MAPK14: variants seen among roughly 807,000 people sequenced by gnomAD.
MAPK14 encodes the protein mitogen-activated protein kinase 14, also known as CSAID-binding protein.
A neutral mutation model predicts 49.6 loss-of-function variants in MAPK14; 16 were observed. The ratio of observed to expected loss-of-function variants is 0.32; its 90% CI spans 0.22 to 0.49. The LOEUF is 0.49. MAPK14 is among the 20% of genes least tolerant of loss of function. The pLI is 0.99. For missense variants in MAPK14, 200 were observed against 441.2 expected (o/e 0.45, Z 4.90); for synonymous variants, 142 against 158.0 (o/e 0.90, Z 0.76).
the MAPK14 span, among the ~76,000 whole-genome samples, chr6:36,119,645 T>C: frequency 4.3e-4 from 66 of 152,258 alleles, no homozygotes; most frequent in African/African-American, 1.5e-3. Context: ...TTTGCCTCTG[T>C]CCCAGGAACA....
At chr6:36,093,731 A>C (rs1226708490) in intron 8 of MAPK14, among the ~76,000 whole-genome samples, 1 of 151,564 alleles carries the variant, frequency 6.6e-6, no homozygotes. Flanking sequence ...AAAAAAAAAA[A>C]AAAAAAAAAA....
chr6:36,070,208 T>C (rs1242969379), intron 3 of MAPK14, among the ~76,000 whole-genome samples: 2 of 152,218 alleles, frequency 1.3e-5, no homozygotes, highest in Non-Finnish European at 2.9e-5. Context: ...ATTGTGACGT[T>C]TAAAGAGTTT....
intron 3 of MAPK14, among the ~76,000 whole-genome samples, chr6:36,071,376 T>C (rs9357207): frequency 0.1 from 15,593 of 152,146 alleles, 1,593 homozygotes; most frequent in East Asian, 0.49. Context: ...CGATCTACTT[T>C]CTATGTTTCC....
At chr6:36,102,467 G>A in intron 9 of MAPK14, 104 bp from the exon 10 acceptor site, 1 of 826,040 alleles carries the variant, frequency 1.2e-6, no homozygotes, top group Admixed American at 2.1e-5. Flanking sequence ...TGAAGTTAGT[G>A]GACTTTGTCA....
chr6:36,116,117 T>A (rs2127481671), downstream of MAPK14, among the ~76,000 whole-genome samples: 1 of 151,764 alleles, frequency 6.6e-6, no homozygotes, highest in Middle Eastern at 3.4e-3. Context: ...TAAAAAAAAA[T>A]AAAAAGTAAA....
intron 6 of MAPK14, among the ~76,000 whole-genome samples, chr6:36,075,225 C>CAAAAAA (rs70975130): frequency 3.2e-5 from 2 of 62,932 alleles, no homozygotes; most frequent in Non-Finnish European, 2.8e-5. Context: ...GACTCCGTCT[C>CAAAAAA]AAAAAAAAAA....
intron 3 of MAPK14, among the ~76,000 whole-genome samples, chr6:36,070,887 T>A (rs1442496946): frequency 6.6e-6 from 1 of 152,146 alleles, no homozygotes; most frequent in Non-Finnish European, 1.5e-5. Context: ...TCTAAATTAC[T>A]GACCTGCTTT....
At chr6:36,034,215 C>T (rs1159750782) in intron 1 of MAPK14, among the ~76,000 whole-genome samples, 2 of 152,324 alleles carry the variant, frequency 1.3e-5, no homozygotes, top group South Asian at 2.1e-4. Flanking sequence ...CCATTAGAGT[C>T]ATGTCTCTTC....
chr6:36,052,793 G>T lies in MAPK14; in HGVS notation c.211G>T (p.Glu71Ter). ...SIIHAKRTYR[E>*]LRLLKHMKHE... ...CATTCATGCGAAAAGAACCTACAGA[G>T]AACTGCGGTTACTTAAACATATGAA... Residue 71 changes from glutamate (E) to a stop codon, truncating the protein, a stop_gained, in exon 2 of 12, where the codon GAA becomes TAA. Coordinates refer to ENST00000229794, the MANE Select transcript of MAPK14 (RefSeq NM_139012.3). LOFTEE classifies it high-confidence loss of function. 1 of 1,611,326 alleles carries T rather than the reference G, an allele frequency of 6.2e-7. No homozygotes were observed. The highest frequency in any genetic ancestry group is 1.1e-5 in the South Asian group (1 of 90,702).
chr6:36,068,739 G>A (rs1368949130), intron 3 of MAPK14, among the ~76,000 whole-genome samples: 1 of 152,020 alleles, frequency 6.6e-6, no homozygotes, highest in African/African-American at 2.4e-5. Flanking sequence ...AGAGGGCGGG[G>A]GCAGTGGTGC....
chr6:36,035,969 A>G (rs921245968), intron 1 of MAPK14, among the ~76,000 whole-genome samples: 53 of 152,300 alleles, frequency 3.5e-4, no homozygotes, highest in Non-Finnish European at 6.5e-4. Context: ...AACACCTGTA[A>G]TTTCAGCACT....
At chr6:36,065,707 G>A (rs1283004416) in intron 3 of MAPK14, among the ~76,000 whole-genome samples, 2 of 151,870 alleles carry the variant, frequency 1.3e-5, no homozygotes, top group Non-Finnish European at 1.5e-5. Flanking sequence ...AGGATGAAAG[G>A]TTTTACTTTT....
chr6:36,073,782 A>G, intron 5 of MAPK14, 62 bp downstream of exon 5: 1 of 1,489,782 alleles, frequency 6.7e-7, no homozygotes, highest in Non-Finnish European at 9.3e-7. Context: ...GAAGAATGGC[A>G]TTTAGCCAAG....
chr6:36,119,713 A>G, the MAPK14 span, among the ~76,000 whole-genome samples: 1 of 152,164 alleles, frequency 6.6e-6, no homozygotes, highest in African/African-American at 2.4e-5. Flanking sequence ...GGTGGTGAGC[A>G]TCTAGTGGGT....
chr6:36,095,499 T>G, intron 8 of MAPK14, among the ~76,000 whole-genome samples: 1 of 152,262 alleles, frequency 6.6e-6, no homozygotes, highest in Non-Finnish European at 1.5e-5. Context: ...TAGGTCACGC[T>G]TGGGAGAATA....
At chr6:36,034,862 C>G (rs1762675526) in intron 1 of MAPK14, among the ~76,000 whole-genome samples, 2 of 150,474 alleles carry the variant, frequency 1.3e-5, no homozygotes, top group Admixed American at 1.3e-4. Context: ...GTCTCTGTGT[C>G]ACATTTTGGT....
chr6:36,043,117 C>T (rs1358988318), intron 1 of MAPK14, among the ~76,000 whole-genome samples: 1 of 148,772 alleles, frequency 6.7e-6, no homozygotes, highest in East Asian at 2.0e-4. Context: ...GAGCAAGACC[C>T]CGTCTCAAAA....
At chr6:36,039,096 T>G (rs1326876929) in intron 1 of MAPK14, among the ~76,000 whole-genome samples, 2 of 152,286 alleles carry the variant, frequency 1.3e-5, no homozygotes, top group East Asian at 3.9e-4. Flanking sequence ...CTGTTAAACT[T>G]AAATATATCA....
chr6:36,102,998 GTC>G (rs1765687194), intron 10 of MAPK14, among the ~76,000 whole-genome samples: 1 of 152,180 alleles, frequency 6.6e-6, no homozygotes, highest in Non-Finnish European at 1.5e-5. Context: ...GATTTATGGT[GTC>G]TCTGAGTGGA....
Sources: allele counts gnomAD v4.1 joint callset (sites outside exome capture counted in the v4.1 genomes callset), GRCh38; gene constraint gnomAD v4.1.1; transcripts MANE v1.5; gene names NCBI Gene and HGNC (gene_info 2026-07-23, HGNC 2026-07-21).